ESRRG: variants seen among roughly 807,000 people sequenced by gnomAD.
ESRRG encodes estrogen related receptor gamma.
In ESRRG, 13 loss-of-function variants were observed where a neutral mutation model predicts 44.0. That is an observed-to-expected ratio of 0.30 (90% CI 0.19 to 0.47). The LOEUF is 0.47. Among genes scored for constraint, ESRRG ranks in the 20% least tolerant of loss-of-function variants. ESRRG has a pLI of 1.00. For missense variants in ESRRG, 395 were observed against 580.6 expected, an observed-to-expected ratio of 0.68 and a Z score of 3.29; for synonymous variants, 215 against 214.6, an observed-to-expected ratio of 1.00 and a Z score of -0.02.
In ESRRG at chr1:217,025,737, G is replaced by A. The variant is rs879838406; in HGVS notation, c.-106+63770C>T. On this transcript the variant is annotated intron_variant, in intron 1 of 7. Coordinates refer to the ESRRG transcript ENST00000359162. ...GATCAGGACATAATCAAAGTCAAATGTCCTGAAAACTACTGGGTGAATGTT... is the reference window on the plus strand; with the variant it reads ...GATCAGGACATAATCAAAGTCAAATATCCTGAAAACTACTGGGTGAATGTT... Among the ~76,000 whole-genome samples the A allele has an allele frequency of 7.9e-5, 12 of 152,082 alleles. 1 individual carries two copies. The highest frequency in any genetic ancestry group is 7.2e-4 in the Admixed American group (11 of 15,272).
intron 3 of ESRRG, among the ~76,000 whole-genome samples, chr1:216,639,147 A>G (rs931405842): frequency 1.3e-5 from 2 of 152,178 alleles, no homozygotes; most frequent in Non-Finnish European, 2.9e-5. Context: ...AGGCAGGAGT[A>G]GGGAGGGGAC....
chr1:216,530,318 C>CTATT (rs1553304019), intron 5 of ESRRG, among the ~76,000 whole-genome samples: 15 of 146,848 alleles, frequency 1.0e-4, no homozygotes, highest in Admixed American at 7.4e-4. Flanking sequence ...ATCTATCTAT[C>CTATT]TATCTATCTA....
intron 2 of ESRRG, among the ~76,000 whole-genome samples, chr1:216,768,480 A>ATCTATCTGTCTG (rs1553593173): frequency 6.7e-6 from 1 of 150,170 alleles, no homozygotes; most frequent in Non-Finnish European, 1.5e-5. Context: ...CTATCTATCT[A>ATCTATCTGTCTG]TCTATCTATC....
chr1:216,677,643 A>G, intron 1 of ESRRG, 152 bp from the exon 2 acceptor site: 1 of 680,304 alleles, frequency 1.5e-6, no homozygotes, highest in Non-Finnish European at 2.4e-6. Flanking sequence ...TATGTTAAAG[A>G]CATTGCTCTT....
intron 2 of ESRRG, among the ~76,000 whole-genome samples, chr1:216,801,296 T>C (rs1000621447): frequency 6.6e-6 from 1 of 152,188 alleles, no homozygotes; most frequent in African/African-American, 2.4e-5. Flanking sequence ...CTCGAACCCC[T>C]GTCTTCAAGT....
intron 1 of ESRRG, among the ~76,000 whole-genome samples, chr1:216,949,049 A>G (rs2066532858): frequency 1.3e-5 from 2 of 152,176 alleles, no homozygotes; most frequent in African/African-American, 4.8e-5. Context: ...TGAATCAACT[A>G]GGAAAGAAGA....
At chr1:216,533,682 G>A (rs1197500671) in intron 5 of ESRRG, among the ~76,000 whole-genome samples, 4 of 152,086 alleles carry the variant, frequency 2.6e-5, no homozygotes, top group Non-Finnish European at 4.4e-5. Context: ...GTATACTAAC[G>A]CATGTTCCCT....
At chr1:216,662,600 T>C (rs565175601) in intron 2 of ESRRG, among the ~76,000 whole-genome samples, 1 of 151,162 alleles carries the variant, frequency 6.6e-6, no homozygotes, top group African/African-American at 2.4e-5. Context: ...GAAAGAAAAG[T>C]ATAGAGGAAA....
intron 2 of ESRRG, among the ~76,000 whole-genome samples, chr1:216,811,920 C>T (rs932852754): frequency 2.6e-5 from 4 of 152,216 alleles, no homozygotes; most frequent in South Asian, 2.1e-4. Flanking sequence ...TCAGGCAAAA[C>T]GTAAATAGTT....
At chr1:216,621,194 C>G (rs886325594) in intron 3 of ESRRG, among the ~76,000 whole-genome samples, 3 of 152,172 alleles carry the variant, frequency 2.0e-5, no homozygotes, top group African/African-American at 7.2e-5. Context: ...TAACCTTGAC[C>G]TACCCTATCG....
chr1:217,005,522 C>T lies in ESRRG; in HGVS notation c.-105-65849G>A, dbSNP rs192956954. On this transcript the variant is annotated intron_variant, in intron 1 of 7. Coordinates refer to the ESRRG transcript ENST00000359162. ...GAACTCTTAGACACTTAGGATAATGCTAAACAGATAGGACAACTAATAGAA... is the reference window on the plus strand; with the variant it reads ...GAACTCTTAGACACTTAGGATAATGTTAAACAGATAGGACAACTAATAGAA... 7.9e-5 allele frequency among the ~76,000 whole-genome samples: 12 copies of T among 152,218 alleles called. No homozygotes were observed. In the East Asian group the frequency reaches 2.1e-3, roughly 27 times the overall value.
At chr1:217,041,057 T>A (rs1397442151) in intron 1 of ESRRG, among the ~76,000 whole-genome samples, 2 of 152,218 alleles carry the variant, frequency 1.3e-5, no homozygotes, top group Non-Finnish European at 2.9e-5. Context: ...TTACATTTAG[T>A]TCAGTTCCTT....
At chr1:216,768,927 G>A (rs1252277264) in intron 2 of ESRRG, among the ~76,000 whole-genome samples, 1 of 152,088 alleles carries the variant, frequency 6.6e-6, no homozygotes, top group Non-Finnish European at 1.5e-5. Flanking sequence ...ATATGGTTTA[G>A]AGTCTATGCT....
intron 2 of ESRRG, among the ~76,000 whole-genome samples, chr1:216,919,507 G>A (rs11572513): frequency 0.065 from 9,840 of 152,182 alleles, 427 homozygotes; most frequent in Non-Finnish European, 0.091. Context: ...GTATAAATCC[G>A]TTGCTAGGTT....
intron 5 of ESRRG, among the ~76,000 whole-genome samples, chr1:216,536,950 G>GGAGCT (rs1239267584): frequency 6.6e-6 from 1 of 152,056 alleles, no homozygotes. Flanking sequence ...TGGGGAAAGA[G>GGAGCT]GAGCTGCTGT....
At chr1:217,053,853 G>C (rs1015308506) in intron 1 of ESRRG, among the ~76,000 whole-genome samples, 3 of 152,068 alleles carry the variant, frequency 2.0e-5, no homozygotes, top group Non-Finnish European at 4.4e-5. Flanking sequence ...ATTTTTCTAG[G>C]AGTAAGGGCA....
At chr1:216,789,888 T>C (rs1419564307) in intron 2 of ESRRG, among the ~76,000 whole-genome samples, 1 of 152,142 alleles carries the variant, frequency 6.6e-6, no homozygotes, top group Non-Finnish European at 1.5e-5. Flanking sequence ...CAAAATCTGT[T>C]CCACCCTGTT....
chr1:216,853,692 T>C (rs1486257268), intron 2 of ESRRG, among the ~76,000 whole-genome samples: 1 of 152,328 alleles, frequency 6.6e-6, no homozygotes, highest in Non-Finnish European at 1.5e-5. Flanking sequence ...CAAGATGCCA[T>C]TCCTTATTCC....
At chr1:216,527,009 T>C (rs1306718257) in intron 5 of ESRRG, among the ~76,000 whole-genome samples, 2 of 152,190 alleles carry the variant, frequency 1.3e-5, no homozygotes, top group Non-Finnish European at 2.9e-5. Context: ...TCAAATCAAC[T>C]AGTATTTAGA....
Sources: gnomAD v4.1 joint callset for allele counts (sites outside exome capture counted in the v4.1 genomes callset) on GRCh38, gnomAD v4.1.1 for gene constraint, MANE v1.5 for transcripts, NCBI Gene and HGNC (gene_info 2026-07-23, HGNC 2026-07-21) for gene names.